HTR4: variants seen among roughly 807,000 people sequenced by gnomAD.
HTR4 encodes 5-hydroxytryptamine receptor 4.
A neutral mutation model predicts 36.8 loss-of-function variants in HTR4; 16 were observed. That is an observed-to-expected ratio of 0.43 (90% confidence interval 0.29 to 0.66). The LOEUF is 0.66. Ranked by LOEUF, HTR4 falls within the 30% of genes least tolerant of loss-of-function variation. The pLI is 0.13. For synonymous variants in HTR4, 189 were observed against 185.1 expected, an observed-to-expected ratio of 1.02 and a Z score of -0.17; for missense variants, 438 against 490.9, an observed-to-expected ratio of 0.89 and a Z score of 1.02.
intron 2 of HTR4, among the ~76,000 whole-genome samples, chr5:148,602,499 A>G (rs916910493): frequency 6.6e-6 from 1 of 152,216 alleles, no homozygotes; most frequent in Non-Finnish European, 1.5e-5. Flanking sequence ...TGGGAAATTT[A>G]TAACCTTAAA....
chr5:148,453,107 G>A (rs768502037), intron 5 of HTR4, among the ~76,000 whole-genome samples: 4 of 152,152 alleles, frequency 2.6e-5, no homozygotes, highest in East Asian at 1.9e-4. Context: ...TCCTATATAC[G>A]TCATTCCTGG....
At chr5:148,644,165 C>G (rs754751299) in intron 1 of HTR4, among the ~76,000 whole-genome samples, 13 of 152,128 alleles carry the variant, frequency 8.5e-5, no homozygotes, top group Non-Finnish European at 1.9e-4. Flanking sequence ...AGAACCACCA[C>G]GGCAAAACAG....
rs71582303 is a variant in HTR4, at chr5:148,617,714, G to A, written c.26+19275C>T. 6.6e-3 allele frequency among the ~76,000 whole-genome samples: 1,006 copies of A among 152,164 alleles called. 7 individuals are homozygous for A. Among genetic ancestry groups the A allele is most frequent in the Non-Finnish European group, 0.011 (742 of 68,004 alleles). The stretch of plus-strand genomic sequence containing the variant: ...AAACTCCTGACTTTGTGATCTGCCT[G>A]TCTCGGCCTCTCAAAGTGCTGGGAT... On this transcript the variant is annotated intron_variant, in intron 2 of 6. Coordinates refer to ENST00000377888, the MANE Select transcript of HTR4 (RefSeq NM_000870.7).
intron 4 of HTR4, 88 bp downstream of exon 4, chr5:148,548,580 A>T: frequency 9.5e-7 from 1 of 1,049,700 alleles, no homozygotes; most frequent in Non-Finnish European, 1.4e-6. Context: ...ATTTCTTCTA[A>T]TGAATAAGAA....
chr5:148,629,753 C>T (rs902572383), intron 2 of HTR4: 2 of 152,086 alleles, frequency 1.3e-5, no homozygotes, highest in East Asian at 1.9e-4. Flanking sequence ...TTTCTGAAGC[C>T]GGGTGAAGCA....
chr5:148,540,264 G>A (rs1240330385), intron 4 of HTR4, among the ~76,000 whole-genome samples: 2 of 150,982 alleles, frequency 1.3e-5, no homozygotes, highest in Non-Finnish European at 3.0e-5. Flanking sequence ...AATCATATTA[G>A]GTACTGGGCT....
At position 148,619,619 on chromosome 5, in the gene HTR4, G is replaced by A. The variant is rs565904056; in HGVS notation, c.26+17370C>T. Among the ~76,000 whole-genome samples, 12 of 152,206 alleles carry A rather than the reference G, an allele frequency of 7.9e-5. No homozygotes were observed. The South Asian group carries it at 1.2e-3, about 16-fold the overall frequency. The stretch of plus-strand genomic sequence containing the variant: ...AGGAAAACACTAATGAAGCCAGCAG[G>A]AGCCCACACAGCCTAGCCATCGACA... On this transcript the variant is annotated intron_variant, in intron 2 of 6. Coordinates refer to ENST00000377888, the MANE Select transcript of HTR4 (RefSeq NM_000870.7).
At chr5:148,568,093 A>G (rs1277707021) in intron 2 of HTR4, among the ~76,000 whole-genome samples, 2 of 152,158 alleles carry the variant, frequency 1.3e-5, no homozygotes, top group African/African-American at 2.4e-5. Flanking sequence ...AGATACTTCA[A>G]TCTTCTACTG....
chr5:148,505,207 G>T (rs900124738), intron 6 of HTR4, among the ~76,000 whole-genome samples: 1 of 152,104 alleles, frequency 6.6e-6, no homozygotes, highest in African/African-American at 2.4e-5. Flanking sequence ...GGGATGCAAG[G>T]CTGGTTCAAC....
chr5:148,484,340 A>G (rs1756046133), intron 6 of HTR4: 1 of 1,613,334 alleles, frequency 6.2e-7, no homozygotes, highest in Non-Finnish European at 8.5e-7. Flanking sequence ...GCTTTGTCCA[A>G]TACCTTGCTA....
intron 1 of HTR4, among the ~76,000 whole-genome samples, chr5:148,641,805 C>T (rs748276853): frequency 5.9e-5 from 9 of 152,256 alleles, no homozygotes; most frequent in East Asian, 1.9e-4. Context: ...TCTTTACCCT[C>T]GTTTCTGATT....
intron 6 of HTR4, among the ~76,000 whole-genome samples, chr5:148,496,172 T>C (rs1756677506): frequency 6.6e-6 from 1 of 152,180 alleles, no homozygotes; most frequent in South Asian, 2.1e-4. Context: ...CAATCAATGC[T>C]AGCACACCTT....
intron 2 of HTR4, among the ~76,000 whole-genome samples, chr5:148,636,206 T>G (rs10041374): frequency 1.3e-5 from 2 of 152,192 alleles, no homozygotes; most frequent in African/African-American, 4.8e-5. Flanking sequence ...CTATGTCAAA[T>G]GCAGAGGCAC....
chr5:148,459,980 G>T (rs1270406028), intron 5 of HTR4, among the ~76,000 whole-genome samples: 1 of 152,046 alleles, frequency 6.6e-6, no homozygotes, highest in Non-Finnish European at 1.5e-5. Context: ...AATGTTAAAG[G>T]TCAAAAACAC....
At chr5:148,464,860 A>T (rs1755382620) in intron 5 of HTR4, among the ~76,000 whole-genome samples, 1 of 152,190 alleles carries the variant, frequency 6.6e-6, no homozygotes, top group African/African-American at 2.4e-5. Flanking sequence ...GATAAATTGT[A>T]GTGCTTCTGA....
At chr5:148,505,192 T>A (rs1303135734) in intron 6 of HTR4, among the ~76,000 whole-genome samples, 1 of 152,156 alleles carries the variant, frequency 6.6e-6, no homozygotes, top group Non-Finnish European at 1.5e-5. Context: ...GTGGGCTTCA[T>A]CCCTGGGATG....
Position 148,458,594 on chromosome 5 carries a change from G to A in HTR4, c.1077-7322C>T, listed in dbSNP as rs115456378. 6.4e-3 allele frequency among the ~76,000 whole-genome samples: 973 copies of A among 152,228 alleles called. 21 individuals carry two copies. The highest frequency in any genetic ancestry group is 0.023 in the African/African-American group (938 of 41,518). ...GTCAGGGTTCTGTCACTGAGGAAGC[G>A]ACAGGAGATGAGAACTGAAAATTGA... is the stretch of plus-strand genomic sequence containing the variant. On this transcript the variant is annotated intron_variant, in intron 5 of 5. Coordinates refer to the HTR4 transcript ENST00000521530.
chr5:148,538,618 A>G (rs1010824194), intron 4 of HTR4, among the ~76,000 whole-genome samples: 17 of 152,136 alleles, frequency 1.1e-4, no homozygotes, highest in African/African-American at 4.1e-4. Context: ...AGGCAATCCC[A>G]TTCACAACTG....
intron 5 of HTR4, among the ~76,000 whole-genome samples, chr5:148,518,830 G>GACTT (rs1757880248): frequency 6.6e-6 from 1 of 152,168 alleles, no homozygotes; most frequent in East Asian, 1.9e-4. Context: ...GTGCTTACAT[G>GACTT]ACTTACTTTT....
Sources: allele counts gnomAD v4.1 joint callset (sites outside exome capture counted in the v4.1 genomes callset), GRCh38; gene constraint gnomAD v4.1.1; transcripts MANE v1.5; gene names NCBI Gene and HGNC (gene_info 2026-07-23, HGNC 2026-07-21).